The following PHF21A variants were observed in gnomAD, a reference collection of about 807,000 sequenced individuals.
PHF21A encodes the protein PHD finger protein 21A, also known as BHC80a.
PHF21A carries 11 observed loss-of-function variants against 82.5 expected under a neutral mutation model. The ratio of observed to expected loss-of-function variants is 0.13; its 90% CI spans 0.08 to 0.22. The LOEUF is 0.22. Ranked by LOEUF, PHF21A falls within the 10% of genes least tolerant of loss-of-function variation. The pLI, the probability that PHF21A is intolerant of heterozygous loss-of-function variation, is 1.00. For synonymous variants in PHF21A, 297 were observed against 302.8 expected (o/e 0.98, Z 0.20); for missense variants, 579 against 837.8 (o/e 0.69, Z 3.81).
intron 6 of PHF21A, among the ~76,000 whole-genome samples, chr11:45,982,754 C>A (rs1395233336): frequency 6.6e-6 from 1 of 152,072 alleles, no homozygotes; most frequent in African/African-American, 2.4e-5. Flanking sequence ...GAGAAAGGAA[C>A]CCTAAGAGCT....
chr11:46,091,655 C>T (rs1251438532), intron 2 of PHF21A, among the ~76,000 whole-genome samples: 1 of 152,188 alleles, frequency 6.6e-6, no homozygotes, highest in Non-Finnish European at 1.5e-5. Context: ...AGCCACTCTG[C>T]ACATATACTA....
chr11:46,045,565 G>T (rs1401277139), intron 6 of PHF21A, among the ~76,000 whole-genome samples: 1 of 152,078 alleles, frequency 6.6e-6, no homozygotes, highest in Non-Finnish European at 1.5e-5. Context: ...TCTAAAATTA[G>T]CATTTTATGT....
In PHF21A at chr11:45,941,144, G is replaced by A. The variant is rs193141452; in HGVS notation, c.1453-2832C>T. ...GACCGGGTCTGGCTCTGTCACCCAG[G>A]CTGGAGTGCAGTGCTGTGATCTTGG... On this transcript the variant is annotated intron_variant, in intron 15 of 18. Transcript: ENST00000676320. Among the ~76,000 whole-genome samples the A allele has an allele frequency of 1.5e-3, 235 of 152,180 alleles. 1 individual carries two copies. The highest frequency in any genetic ancestry group is 3.7e-3 in the Admixed American group (57 of 15,288).
intron 6 of PHF21A, among the ~76,000 whole-genome samples, chr11:45,984,241 T>G (rs1290586999): frequency 6.6e-6 from 1 of 152,190 alleles, no homozygotes; most frequent in Non-Finnish European, 1.5e-5. Context: ...CTTATCATCT[T>G]TTCTTCTTAA....
chr11:46,093,350 A>T (rs1252425317), intron 1 of PHF21A, among the ~76,000 whole-genome samples: 1 of 152,202 alleles, frequency 6.6e-6, no homozygotes, highest in Non-Finnish European at 1.5e-5. Flanking sequence ...AAAGAGCTTC[A>T]TGTCTCCCAG....
intron 6 of PHF21A, among the ~76,000 whole-genome samples, chr11:46,004,076 A>C (rs1194202776): frequency 1.3e-5 from 2 of 152,180 alleles, no homozygotes; most frequent in African/African-American, 4.8e-5. Flanking sequence ...GTTTTTTTAA[A>C]CGGAGTCACA....
At chr11:46,105,410 G>A (rs1325828507) in intron 1 of PHF21A, among the ~76,000 whole-genome samples, 1 of 152,084 alleles carries the variant, frequency 6.6e-6, no homozygotes, top group Non-Finnish European at 1.5e-5. Flanking sequence ...ATCACTGCAC[G>A]ACTCAGGAAG....
chr11:45,962,734 A>C (rs992163266), intron 10 of PHF21A, among the ~76,000 whole-genome samples: 7 of 141,130 alleles, frequency 5.0e-5, no homozygotes, highest in African/African-American at 1.8e-4. Context: ...TCTACTAAAA[A>C]TACAAAAAAT....
chr11:46,076,872 AT>A (rs1395922266), intron 5 of PHF21A, 53 bp from the exon 6 acceptor site: 1 of 1,415,040 alleles, frequency 7.1e-7, no homozygotes, highest in South Asian at 1.1e-5. Flanking sequence ...TGTTAACAGA[AT>A]AGTAGCAGGA....
intron 6 of PHF21A, among the ~76,000 whole-genome samples, chr11:46,055,695 G>C (rs905550303): frequency 5.3e-5 from 8 of 152,092 alleles, no homozygotes; most frequent in African/African-American, 1.9e-4. Flanking sequence ...AGGAGTCATG[G>C]AATCTCTTTA....
At chr11:45,943,975 C>T (rs1445588751) in intron 15 of PHF21A, among the ~76,000 whole-genome samples, 2 of 152,090 alleles carry the variant, frequency 1.3e-5, no homozygotes, top group Admixed American at 6.6e-5. Flanking sequence ...TTTTTAAAAA[C>T]GTCAATGTTA....
intron 1 of PHF21A, among the ~76,000 whole-genome samples, chr11:46,100,457 T>C (rs1441910846): frequency 6.6e-6 from 1 of 152,000 alleles, no homozygotes; most frequent in African/African-American, 2.4e-5. Context: ...TAAGTTTTAT[T>C]TTAGAAAGGT....
intron 12 of PHF21A, 151 bp downstream of exon 12, chr11:45,950,055 T>C: frequency 1.6e-6 from 1 of 614,242 alleles, no homozygotes; most frequent in Non-Finnish European, 2.8e-6. Flanking sequence ...GGGAAGGCAA[T>C]TTTCCCACTA....
At chr11:45,993,909 C>T (rs1457119406) in intron 6 of PHF21A, among the ~76,000 whole-genome samples, 5 of 152,022 alleles carry the variant, frequency 3.3e-5, no homozygotes, top group African/African-American at 1.2e-4. Context: ...TTCCTAGAAA[C>T]TGCTCTAAGT....
At chr11:45,965,696 G>T in intron 9 of PHF21A, 88 bp from the exon 10 acceptor site, 1 of 971,768 alleles carries the variant, frequency 1.0e-6, no homozygotes, top group Non-Finnish European at 1.5e-6. Flanking sequence ...TGTATGAAAT[G>T]GTGTTTAATA....
intron 1 of PHF21A, among the ~76,000 whole-genome samples, chr11:46,112,947 C>T (rs925533014): frequency 6.9e-6 from 1 of 143,928 alleles, no homozygotes; most frequent in Non-Finnish European, 1.5e-5. Context: ...ATAAAAAATA[C>T]AATAAACTAA....
chr11:45,955,928 C>T (rs887466903), intron 10 of PHF21A, among the ~76,000 whole-genome samples: 2 of 152,224 alleles, frequency 1.3e-5, no homozygotes, highest in South Asian at 4.1e-4. Context: ...CTTAAAATTA[C>T]TGCAGCTCTA....
chr11:46,040,741 G>A (rs78690620), intron 6 of PHF21A, among the ~76,000 whole-genome samples: 2,205 of 152,122 alleles, frequency 0.014, 48 homozygotes, highest in African/African-American at 0.05. Context: ...GTATATGTTC[G>A]AATTTAAATA....
chr11:45,959,058 C>T (rs190534385), intron 10 of PHF21A, among the ~76,000 whole-genome samples: 2 of 152,248 alleles, frequency 1.3e-5, no homozygotes, highest in Admixed American at 1.3e-4. Flanking sequence ...AAGGATGGTA[C>T]ACTATGACAA....
Sources: allele counts gnomAD v4.1 joint callset (sites outside exome capture counted in the v4.1 genomes callset), GRCh38; gene constraint gnomAD v4.1.1; transcripts MANE v1.5; gene names NCBI Gene and HGNC (gene_info 2026-07-23, HGNC 2026-07-21).